Variants in ROS1 observed in about 807,000 individuals in gnomAD.
ROS1 encodes the protein proto-oncogene tyrosine-protein kinase ROS.
In ROS1, 263 loss-of-function variants were observed where a neutral mutation model predicts 273.5. The observed-to-expected ratio is 0.96, with a 90% CI of 0.87 to 1.06. ROS1 has a LOEUF of 1.06. Ranked by LOEUF, ROS1 falls within the 50% of genes least tolerant of loss-of-function variation. The probability of loss-of-function intolerance (pLI) is 0.00; values close to 1 mark genes in which losing one functional copy is unlikely to be tolerated. For synonymous variants in ROS1, 1,008 were observed against 954.1 expected (o/e 1.06, Z -1.04); for missense variants, 2,833 against 2,751.1 (o/e 1.03, Z -0.67).
intron 42 of ROS1, among the ~76,000 whole-genome samples, chr6:117,303,190 G>A (rs1774863205): frequency 6.6e-6 from 1 of 152,126 alleles, no homozygotes; most frequent in African/African-American, 2.4e-5. Context: ...ACTTTCTGGA[G>A]CTATATGGCA....
At chr6:117,361,166 G>C (rs115747219) in intron 22 of ROS1, among the ~76,000 whole-genome samples, 7 of 151,184 alleles carry the variant, frequency 4.6e-5, no homozygotes, top group Non-Finnish European at 1.5e-5. Flanking sequence ...TTTCCCATTG[G>C]GCCATGCCAC....
intron 18 of ROS1, among the ~76,000 whole-genome samples, chr6:117,367,730 A>G (rs1471675500): frequency 6.6e-6 from 1 of 152,204 alleles, no homozygotes; most frequent in Non-Finnish European, 1.5e-5. Context: ...CTCTCATTGA[A>G]CCATCTATTA....
chr6:117,343,888 ACTCCC>A (rs1312971470), intron 28 of ROS1, among the ~76,000 whole-genome samples, 167 bp downstream of exon 28: 1 of 152,132 alleles, frequency 6.6e-6, no homozygotes, highest in Non-Finnish European at 1.5e-5. Context: ...AGCTTAACTT[ACTCCC>A]AGTCAAGAAA....
intron 7 of ROS1, among the ~76,000 whole-genome samples, chr6:117,401,488 A>G (rs1773926856): frequency 6.6e-6 from 1 of 152,174 alleles, no homozygotes; most frequent in Admixed American, 6.5e-5. Flanking sequence ...CAGAAATAAT[A>G]TTGACATTCC....
In ROS1 at chr6:117,409,586, T is replaced by C. The variant is rs74492215; in HGVS notation, c.312A>G (p.Val104=). The C allele has an allele frequency of 6.8e-6, 11 of 1,613,104 alleles. No individual in the cohort carries two copies. The East Asian group carries it at 2.2e-4, about 33-fold the overall frequency. The change falls in exon 5 of 44, where the codon GTA becomes GTG. Residue 104 remains valine (V), a synonymous_variant. Coordinates refer to ENST00000368507, the MANE Select transcript of ROS1 (RefSeq NM_001378902.1). ...AAGTCGTGTGTGTCCTCTTACCCAG[T>C]ACTTCCTCTTCATATGCACCTTCCG... ...SSAEGAYEEE[V]LENADLPTAP...
At chr6:117,318,967 G>C (rs998893301) in intron 37 of ROS1, among the ~76,000 whole-genome samples, 1 of 152,102 alleles carries the variant, frequency 6.6e-6, no homozygotes, top group Non-Finnish European at 1.5e-5. Flanking sequence ...TGTTACATGA[G>C]AGAAATAAAC....
Position 117,366,162 on chromosome 6 carries a change from A to G in ROS1, c.2711T>C (p.Ile904Thr), listed in dbSNP as rs763987499. 23 of 1,613,966 alleles carry G rather than the reference A, an allele frequency of 1.4e-5. No homozygotes were observed. The African/African-American group carries it at 2.0e-4, about 14-fold the overall frequency. ...NGFRIITTQE[I>T]GQKTSVSVLE... is the part of the protein sequence containing the mutation. ...AACAGAGACACTGGTTTTCTGACCTATTTCTTGAGTTGTGATAATCCTAAA... is the reference window on the plus strand; with the variant it reads ...AACAGAGACACTGGTTTTCTGACCTGTTTCTTGAGTTGTGATAATCCTAAA... Residue 904 changes from isoleucine (I) to threonine (T), a missense_variant, in exon 19 of 44, where the codon ATA becomes ACA. Physicochemically the swap from Ile to Thr is moderately conservative, Grantham distance 89. Transcript: ENST00000368507.
chr6:117,342,189 GCTTT>G, intron 29 of ROS1, among the ~76,000 whole-genome samples: 1 of 152,040 alleles, frequency 6.6e-6, no homozygotes, highest in East Asian at 1.9e-4. Context: ...CCTCCTAGTT[GCTTT>G]CTATTTTAAT....
At chr6:117,349,686 T>C (rs890971688) in intron 27 of ROS1, among the ~76,000 whole-genome samples, 8 of 152,084 alleles carry the variant, frequency 5.3e-5, no homozygotes, top group African/African-American at 1.4e-4. Flanking sequence ...GTGGTTTTAT[T>C]TGAGCATTCT....
In ROS1 at chr6:117,386,936, CTATTTAATGGTT is replaced by C. The variant is rs1772630218; in HGVS notation, c.2051_2062del (p.Lys684_Asn687del). ...GGATAAGAACTCTCCTGGGCCAAAG[CTATTTAATGGTT>C]TACTCCAAAGCCCATCTTCTTTCAC... On this transcript the variant is annotated inframe_deletion, in exon 15 of 44. Coordinates refer to ENST00000368507, the MANE Select transcript of ROS1 (RefSeq NM_001378902.1). The C allele has an allele frequency of 6.2e-7, 1 of 1,612,860 alleles. No individual in the cohort carries two copies. The highest frequency in any genetic ancestry group is 1.7e-5 in the Admixed American group (1 of 59,966).
intron 18 of ROS1, among the ~76,000 whole-genome samples, chr6:117,370,425 T>A (rs1780676295): frequency 6.6e-6 from 1 of 152,182 alleles, no homozygotes; most frequent in Non-Finnish European, 1.5e-5. Flanking sequence ...TGTGTGAATA[T>A]CTCTGGACCT....
At chr6:117,390,128 G>T (rs1386645032) in intron 12 of ROS1, among the ~76,000 whole-genome samples, 2 of 152,040 alleles carry the variant, frequency 1.3e-5, no homozygotes, top group Non-Finnish European at 2.9e-5. Flanking sequence ...AAAACAGGAA[G>T]GGTCTTTTAT....
intron 32 of ROS1, among the ~76,000 whole-genome samples, chr6:117,334,655 T>C (rs193191631): frequency 6.6e-6 from 1 of 152,136 alleles, no homozygotes; most frequent in Non-Finnish European, 1.5e-5. Context: ...TATAGACCAA[T>C]GGAGCAGAAC....
In ROS1 at chr6:117,341,190, T is replaced by C. The variant is rs2128621528; in HGVS notation, c.5006A>G (p.Asn1669Ser). Reference protein sequence around the residue: ...LVPENTSLQFNWKAPLNVNLI... With the variant: ...LVPENTSLQFSWKAPLNVNLI... ...GTTAACATTCAATGGAGCCTTCCAA[T>C]TAAATTGCAAACTAGTGTTCTCTGG... The change falls in exon 31 of 44, where the codon AAT becomes AGT. Residue 1669 changes from asparagine to serine, a missense_variant. Coordinates refer to ENST00000368507, the MANE Select transcript of ROS1 (RefSeq NM_001378902.1). The C allele has an allele frequency of 6.2e-7, 1 of 1,613,464 alleles. No homozygotes were observed. The highest frequency in any genetic ancestry group is 1.1e-5 in the South Asian group (1 of 91,036).
rs1370227798 is a variant in ROS1, at chr6:117,397,233, T to G, written c.605-117A>C. The G allele has an allele frequency of 1.8e-5, 12 of 683,466 alleles. No homozygotes were observed. The East Asian group carries it at 3.2e-4, about 18-fold the overall frequency. 42.3% of individuals were successfully genotyped at this position (683,466 alleles called of 1,614,324 possible). A position where few individuals can be genotyped will look rare whatever the true frequency, so the allele number is the denominator to read the frequency against. On this transcript the variant is annotated intron_variant, in intron 7 of 43. Transcript: ENST00000368507. ...GAAAACTTAATGGAAACGAAATAAT[T>G]TTATTAATACTCAAAATATGTGATA...
chr6:117,301,962 C>A (rs1208796084), intron 42 of ROS1, among the ~76,000 whole-genome samples: 1 of 152,144 alleles, frequency 6.6e-6, no homozygotes, highest in African/African-American at 2.4e-5. Context: ...TTCATTCACT[C>A]AGCAAAGATG....
At chr6:117,329,183 G>T in intron 33 of ROS1, 146 bp downstream of exon 33, 1 of 599,286 alleles carries the variant, frequency 1.7e-6, no homozygotes. Context: ...ATTGAGCAAA[G>T]AACGTAATGA....
intron 4 of ROS1, 132 bp downstream of exon 4, chr6:117,414,387 T>TA (rs1775173584): frequency 1.4e-5 from 9 of 657,352 alleles, no homozygotes; most frequent in Non-Finnish European, 2.4e-5. Flanking sequence ...CTCAGAGTAA[T>TA]AACACTTTGA....
chr6:117,311,447 A>G (rs897865555), intron 39 of ROS1, among the ~76,000 whole-genome samples: 1 of 152,146 alleles, frequency 6.6e-6, no homozygotes, highest in Non-Finnish European at 1.5e-5. Context: ...GAACTTGCTT[A>G]AGTTACTTAA....
Sources: gnomAD v4.1 joint callset for allele counts (sites outside exome capture counted in the v4.1 genomes callset) on GRCh38, gnomAD v4.1.1 for gene constraint, MANE v1.5 for transcripts, NCBI Gene and HGNC (gene_info 2026-07-23, HGNC 2026-07-21) for gene names.